Variants in NCALD observed in about 807,000 individuals in gnomAD.
The protein encoded by NCALD is neurocalcin delta.
A neutral mutation model predicts 18.6 loss-of-function variants in NCALD; 10 were observed. The ratio of observed to expected loss-of-function variants is 0.54; its 90% CI spans 0.33 to 0.91. NCALD has a LOEUF of 0.91. Ranked by LOEUF, NCALD falls within the 40% of genes least tolerant of loss-of-function variation. The probability of loss-of-function intolerance (pLI) is 0.03; values close to 1 mark genes in which losing one functional copy is unlikely to be tolerated. For missense variants in NCALD, 184 were observed against 247.6 expected, an observed-to-expected ratio of 0.74 and a Z score of 1.72; for synonymous variants, 88 against 87.4, an observed-to-expected ratio of 1.01 and a Z score of -0.04.
intron 2 of NCALD, among the ~76,000 whole-genome samples, chr8:101,699,391 C>A (rs757653127): frequency 3.7e-4 from 57 of 152,264 alleles, no homozygotes; most frequent in Middle Eastern, 3.4e-3. Context: ...TACCATTTGA[C>A]CCAGCAATCC....
At chr8:101,964,038 T>C (rs1819932594) in intron 2 of NCALD, among the ~76,000 whole-genome samples, 2 of 152,210 alleles carry the variant, frequency 1.3e-5, no homozygotes, top group African/African-American at 4.8e-5. Flanking sequence ...AATATGCCTT[T>C]CTTTAATTTC....
intron 2 of NCALD, among the ~76,000 whole-genome samples, chr8:101,944,507 T>C (rs1175967598): frequency 6.6e-6 from 1 of 152,194 alleles, no homozygotes; most frequent in African/African-American, 2.4e-5. Flanking sequence ...TGCCTCTCTC[T>C]GCAAAGAGAA....
chr8:102,124,092 G>T (rs975786445), intron 1 of NCALD: 3 of 152,158 alleles, frequency 2.0e-5, no homozygotes, highest in Non-Finnish European at 2.9e-5. Context: ...TCCCAGAACC[G>T]CGCGCTCCTC....
Position 101,835,211 on chromosome 8 carries a change from G to A in NCALD, c.-20+51930C>T, listed in dbSNP as rs139065688. The stretch of plus-strand genomic sequence containing the variant: ...AACATTTCCATAGCTTCACAGCCCC[G>A]TGCAGTAAGTGCCACTTGGCTTTCT... On this transcript the variant is annotated intron_variant, in intron 4 of 6. Coordinates refer to the NCALD transcript ENST00000311028. Among the ~76,000 whole-genome samples, 1,259 of 152,336 alleles carry A rather than the reference G, an allele frequency of 8.3e-3. 8 individuals carry two copies. Among genetic ancestry groups the A allele is most frequent in the Non-Finnish European group, 0.013 (873 of 68,032 alleles).
intron 1 of NCALD, among the ~76,000 whole-genome samples, chr8:102,096,637 G>A (rs1825112116): frequency 6.6e-6 from 1 of 151,454 alleles, no homozygotes; most frequent in Admixed American, 6.6e-5. Flanking sequence ...GCCTCTGGTT[G>A]ATTGCTTTCT....
intron 1 of NCALD, among the ~76,000 whole-genome samples, chr8:102,088,474 A>G (rs996080618): frequency 2.6e-5 from 4 of 152,186 alleles, no homozygotes; most frequent in African/African-American, 9.7e-5. Flanking sequence ...AGTCAGCTTA[A>G]TTAAAAGTGG....
At chr8:101,743,870 T>C (rs989923987) in intron 1 of NCALD, among the ~76,000 whole-genome samples, 21 of 152,220 alleles carry the variant, frequency 1.4e-4, no homozygotes, top group Admixed American at 5.9e-4. Flanking sequence ...CCCCAACACT[T>C]GAGTAACCAC....
At chr8:102,060,012 A>T (rs186143670) in intron 1 of NCALD, among the ~76,000 whole-genome samples, 3 of 152,012 alleles carry the variant, frequency 2.0e-5, no homozygotes, top group Admixed American at 2.0e-4. Flanking sequence ...ATGGAGTCTC[A>T]CTCTGTCGCC....
intron 1 of NCALD, among the ~76,000 whole-genome samples, chr8:102,077,674 C>CA (rs897403434): frequency 2.0e-5 from 3 of 152,164 alleles, no homozygotes; most frequent in Non-Finnish European, 4.4e-5. Flanking sequence ...CTCATACCCC[C>CA]ATTCCCTTTA....
intron 1 of NCALD, among the ~76,000 whole-genome samples, chr8:102,035,898 T>C (rs186847927): frequency 6.6e-6 from 1 of 152,248 alleles, no homozygotes; most frequent in East Asian, 1.9e-4. Context: ...ATGTTACTTA[T>C]ATCACAAAAT....
chr8:102,092,094 A>T (rs761799686), intron 1 of NCALD, among the ~76,000 whole-genome samples: 2 of 152,196 alleles, frequency 1.3e-5, no homozygotes, highest in Non-Finnish European at 2.9e-5. Flanking sequence ...ATAGGTCATA[A>T]AGACATTGCT....
rs144501396 is a variant in NCALD at position 101,727,901 on chromosome 8, G to A, written c.-19-8253C>T. On this transcript the variant is annotated intron_variant, in intron 1 of 3. Transcript: ENST00000220931. ...ATCCTGCATTTCCTTATGTGACTGC[G>A]CACCCTTTTCTATTAGACACTGGCA... Among the ~76,000 whole-genome samples, 29 of 152,204 alleles carry A rather than the reference G, an allele frequency of 1.9e-4. No individual in the cohort carries two copies. The East Asian group carries it at 2.1e-3, about 11-fold the overall frequency.
At chr8:101,813,249 G>T (rs1474934478) in intron 4 of NCALD, among the ~76,000 whole-genome samples, 1 of 152,090 alleles carries the variant, frequency 6.6e-6, no homozygotes, top group Non-Finnish European at 1.5e-5. Context: ...TTTGAGTCAA[G>T]AAGAAAGAGG....
chr8:102,078,513 A>G (rs1824421905), intron 1 of NCALD, among the ~76,000 whole-genome samples: 1 of 152,240 alleles, frequency 6.6e-6, no homozygotes, highest in African/African-American at 2.4e-5. Context: ...TCCCTTTGTG[A>G]GATGTCCCTA....
intron 4 of NCALD, among the ~76,000 whole-genome samples, chr8:101,838,063 T>C (rs1485537214): frequency 6.6e-6 from 1 of 152,156 alleles, no homozygotes; most frequent in Non-Finnish European, 1.5e-5. Flanking sequence ...ACAGACAAAA[T>C]CATTTAGTGT....
chr8:101,721,178 A>C (rs75474448), intron 1 of NCALD: 3 of 145,666 alleles, frequency 2.1e-5, no homozygotes, highest in African/African-American at 7.5e-5. Flanking sequence ...GAAAAAAAAA[A>C]CCTGAAAGCA....
chr8:102,034,490 T>C (rs1331046897), intron 1 of NCALD, among the ~76,000 whole-genome samples: 1 of 152,146 alleles, frequency 6.6e-6, no homozygotes. Context: ...TGCCTAACAG[T>C]GTATCGCCAA....
intron 2 of NCALD, among the ~76,000 whole-genome samples, chr8:102,016,059 A>AG (rs1822072851): frequency 6.6e-6 from 1 of 152,148 alleles, no homozygotes; most frequent in Non-Finnish European, 1.5e-5. Flanking sequence ...CAACTGGTAG[A>AG]GAACCAAAAC....
chr8:101,708,041 C>T lies in NCALD; in HGVS notation c.378+11211G>A, dbSNP rs144268726. Among the ~76,000 whole-genome samples, 416 of 152,220 alleles carry T rather than the reference C, an allele frequency of 2.7e-3. 4 individuals are homozygous for T. The highest frequency in any genetic ancestry group is 4.4e-3 in the Non-Finnish European group (296 of 68,024). ...GAGCCCTAAGGACTGCCAGGAGTAA[C>T]GTGATGTCAGCCTTTGGATGCTTTT... On this transcript the variant is annotated intron_variant, in intron 2 of 3. Transcript: ENST00000220931.
Sources: gnomAD v4.1 joint callset for allele counts (sites outside exome capture counted in the v4.1 genomes callset) on GRCh38, gnomAD v4.1.1 for gene constraint, MANE v1.5 for transcripts, NCBI Gene and HGNC (gene_info 2026-07-23, HGNC 2026-07-21) for gene names.